HPS1: variants seen among roughly 807,000 people sequenced by gnomAD.
HPS1 encodes HPS1 biogenesis of lysosomal organelles complex 3 subunit 1.
HPS1 carries 59 observed loss-of-function variants against 90.6 expected under a neutral mutation model. The ratio of observed to expected loss-of-function variants is 0.65; its 90% confidence interval spans 0.53 to 0.81. HPS1 has a LOEUF of 0.81. Among genes scored for constraint, HPS1 ranks in the 30% least tolerant of loss-of-function variants. The pLI, the probability that HPS1 is intolerant of heterozygous loss-of-function variation, is 0.00. For synonymous variants in HPS1, 388 were observed against 384.4 expected (o/e 1.01, Z -0.11); for missense variants, 849 against 896.7 (o/e 0.95, Z 0.68).
intron 13 of HPS1, among the ~76,000 whole-genome samples, chr10:98,424,967 C>T (rs899685038): frequency 2.0e-5 from 3 of 152,234 alleles, no homozygotes; most frequent in African/African-American, 7.2e-5. Flanking sequence ...CAGAGTCAAG[C>T]CCCACCAGCC....
At chr10:98,438,946 C>T (rs1168246729) in intron 3 of HPS1, among the ~76,000 whole-genome samples, 1 of 152,142 alleles carries the variant, frequency 6.6e-6, no homozygotes, top group East Asian at 1.9e-4. Context: ...TGCCCTGCGT[C>T]CTAGCCATGG....
chr10:98,422,273 G>A (rs768500925), intron 17 of HPS1, 96 bp downstream of exon 17: 113 of 1,373,032 alleles, frequency 8.2e-5, no homozygotes, highest in Middle Eastern at 2.5e-4. Flanking sequence ...GCTGCCCAGC[G>A]CACTCTGCTA....
intron 18 of HPS1, among the ~76,000 whole-genome samples, chr10:98,418,459 AGGGCC>A (rs1844411160): frequency 6.6e-6 from 1 of 152,212 alleles, no homozygotes; most frequent in Non-Finnish European, 1.5e-5. Flanking sequence ...CAAAGCTTCA[AGGGCC>A]GGCAGGGTAG....
intron 10 of HPS1, among the ~76,000 whole-genome samples, chr10:98,427,922 G>A (rs1210224851): frequency 2.0e-5 from 3 of 152,322 alleles, no homozygotes; most frequent in Admixed American, 2.0e-4. Flanking sequence ...AAATGGATGA[G>A]TGCAACCCAA....
At chr10:98,415,732 C>T (rs370179912), downstream of HPS1, among the ~76,000 whole-genome samples, 426 of 152,282 alleles carry the variant, frequency 2.8e-3, 2 homozygotes, top group Middle Eastern at 0.014. Context: ...CTGTGTCTGT[C>T]GCTGAGGAGC....
chr10:98,437,847 GTAATCCCCA>G (rs1177712755), intron 3 of HPS1, among the ~76,000 whole-genome samples: 5 of 152,160 alleles, frequency 3.3e-5, no homozygotes, highest in Non-Finnish European at 5.9e-5. Flanking sequence ...ATCTTGACTT[GTAATCCCCA>G]TAATCCCCAC....
chr10:98,430,966 A>T (rs1287884123), intron 7 of HPS1, among the ~76,000 whole-genome samples, 165 bp downstream of exon 7: 1 of 152,194 alleles, frequency 6.6e-6, no homozygotes, highest in Non-Finnish European at 1.5e-5. Context: ...TGATACAGAG[A>T]AATGGGTGAG....
intron 6 of HPS1, among the ~76,000 whole-genome samples, chr10:98,433,366 T>C (rs1846795729): frequency 1.3e-5 from 2 of 152,148 alleles, no homozygotes. Context: ...CACTGGAGTA[T>C]GAAAACCACT....
chr10:98,416,839 G>A lies in HPS1; in HGVS notation c.*725C>T, dbSNP rs945977248. On this transcript the variant is annotated 3_prime_UTR_variant, in exon 20 of 20. Transcript: ENST00000361490. Reference sequence around the variant, plus strand: ...TCTCAATCCAGGGCGCACCACAGAAGCTTTGAAAGACATCAAAGGCTGGGC... The same window carrying A: ...TCTCAATCCAGGGCGCACCACAGAAACTTTGAAAGACATCAAAGGCTGGGC... The A allele has an allele frequency of 1.4e-4, 21 of 152,360 alleles. No individual in the cohort carries two copies. The highest frequency in any genetic ancestry group is 4.6e-4 in the African/African-American group (19 of 41,452). 9.4% of individuals were successfully genotyped at this position (152,360 alleles called of 1,614,324 possible). A position where few individuals can be genotyped will look rare whatever the true frequency, so the allele number is the denominator to read the frequency against.
Position 98,420,090 on chromosome 10 carries a change from C to G in HPS1, c.1812G>C (p.Glu604Asp). The G allele has an allele frequency of 6.2e-7, 1 of 1,614,148 alleles. No homozygotes were observed. The highest frequency in any genetic ancestry group is 8.5e-7 in the Non-Finnish European group (1 of 1,179,982). ...QKGYTTLLFQ[E>D]GDFYCSYFLW... ...GGAAGTAGGAGCAGTAGAAATCCCCCTCCTGGAACAGCAGCGTGGTGTAGC... is the reference window on the plus strand; with the variant it reads ...GGAAGTAGGAGCAGTAGAAATCCCCGTCCTGGAACAGCAGCGTGGTGTAGC... Residue 604 changes from glutamate (E) to aspartate (D), a missense_variant, in exon 18 of 20, where the codon GAG becomes GAC. Coordinates refer to ENST00000361490, the MANE Select transcript of HPS1 (RefSeq NM_000195.5).
chr10:98,443,057 G>T lies in HPS1; in HGVS notation c.117+67C>A. 7.9e-6 allele frequency: 9 copies of T among 1,137,774 alleles called. No individual in the cohort carries two copies. In the South Asian group the frequency reaches 9.8e-5, roughly 12 times the overall value. 70.5% of individuals were successfully genotyped at this position (1,137,774 alleles called of 1,614,324 possible). ...TGAACACAGGTTTTCCTGCCTCTCT[G>T]CCTGCTGGGAGTTTTGTATGGTTCC... On this transcript the variant is annotated intron_variant, in intron 3 of 19. Coordinates refer to ENST00000361490, the MANE Select transcript of HPS1 (RefSeq NM_000195.5).
In HPS1 at chr10:98,435,825, C is replaced by T; in HGVS notation, c.118-53G>A. On this transcript the variant is annotated intron_variant, in intron 3 of 19. Transcript: ENST00000361490. The surrounding 1 kb of genome is among the most constrained non-coding windows in gnomAD (Gnocchi z 4.3). ...CTTAGAGTGGGCCAGACACCAAGAACTAAGGAAGGGACAAGATCAGGCCTT... is the reference window on the plus strand; with the variant it reads ...CTTAGAGTGGGCCAGACACCAAGAATTAAGGAAGGGACAAGATCAGGCCTT... 6.2e-7 allele frequency: 1 copy of T among 1,612,304 alleles called. No individual in the cohort carries two copies. Among genetic ancestry groups the T allele is most frequent in the Non-Finnish European group, 8.5e-7 (1 of 1,178,620 alleles).
intron 11 of HPS1, 51 bp from the exon 12 acceptor site, chr10:98,426,036 C>T: frequency 6.5e-7 from 1 of 1,535,060 alleles, no homozygotes; most frequent in African/African-American, 1.4e-5. Flanking sequence ...AAGTTGGACC[C>T]ACCCATTGCG....
chr10:98,425,509 C>T, intron 13 of HPS1, 32 bp downstream of exon 13: 1 of 1,591,588 alleles, frequency 6.3e-7, no homozygotes, highest in African/African-American at 1.3e-5. Context: ...TGCCTCTTCC[C>T]CAGGTGGGGA....
chr10:98,425,225 G>A (rs1301216201), intron 13 of HPS1, among the ~76,000 whole-genome samples: 1 of 152,224 alleles, frequency 6.6e-6, no homozygotes, highest in East Asian at 1.9e-4. Flanking sequence ...CTGCATCCGG[G>A]CTCTGGCTCC....
At chr10:98,433,444 G>A (rs967606508) in intron 6 of HPS1, among the ~76,000 whole-genome samples, 7 of 152,102 alleles carry the variant, frequency 4.6e-5, no homozygotes, top group African/African-American at 1.7e-4. Flanking sequence ...AGCCACTTTA[G>A]TTTTTATTTT....
At chr10:98,430,502 C>G in intron 8 of HPS1, 69 bp downstream of exon 8, 1 of 1,204,894 alleles carries the variant, frequency 8.3e-7, no homozygotes, top group Non-Finnish European at 1.2e-6. Flanking sequence ...GCCTGCCCAC[C>G]ATCTTCAGGC....
chr10:98,441,713 TG>T (rs1224495867), intron 3 of HPS1, among the ~76,000 whole-genome samples: 1 of 152,158 alleles, frequency 6.6e-6, no homozygotes, highest in East Asian at 1.9e-4. Context: ...GCAAAAGATA[TG>T]GCAAATAAGC....
At chr10:98,431,781 C>T (rs937763195) in intron 6 of HPS1, among the ~76,000 whole-genome samples, 5 of 151,820 alleles carry the variant, frequency 3.3e-5, no homozygotes, top group Non-Finnish European at 2.9e-5. Context: ...AAAGAAAGGC[C>T]CTATGCATAA....
Sources: gnomAD v4.1 joint callset for allele counts (sites outside exome capture counted in the v4.1 genomes callset) on GRCh38, gnomAD v4.1.1 for gene constraint, Gnocchi (gnomAD v3.1) non-coding constraint, MANE v1.5 for transcripts, NCBI Gene and HGNC (gene_info 2026-07-23, HGNC 2026-07-21) for gene names.